PTPRD: variants seen among roughly 807,000 people sequenced by gnomAD.
PTPRD encodes protein tyrosine phosphatase receptor type D, also known as receptor-type tyrosine-protein phosphatase delta.
A neutral mutation model predicts 214.5 loss-of-function variants in PTPRD; 34 were observed. The ratio of observed to expected loss-of-function variants is 0.16; its 90% CI spans 0.12 to 0.21. The LOEUF is 0.21. Ranked by LOEUF, PTPRD falls within the 10% of genes least tolerant of loss-of-function variation. The probability of loss-of-function intolerance (pLI) is 1.00; values close to 1 mark genes in which losing one functional copy is unlikely to be tolerated. For synonymous variants in PTPRD, 1,128 were observed against 845.7 expected, an observed-to-expected ratio of 1.33 and a Z score of -5.79; for missense variants, 2,545 against 2,398.7, an observed-to-expected ratio of 1.06 and a Z score of -1.27.
intron 10 of PTPRD, among the ~76,000 whole-genome samples, chr9:9,124,639 T>C (rs1341693679): frequency 6.6e-6 from 1 of 152,196 alleles, no homozygotes; most frequent in Admixed American, 6.5e-5. Flanking sequence ...CTTCATTTGA[T>C]TCCCGGTGAG....
intron 35 of PTPRD, among the ~76,000 whole-genome samples, chr9:8,405,875 C>T (rs1182354533): frequency 1.3e-5 from 2 of 152,028 alleles, no homozygotes; most frequent in Non-Finnish European, 2.9e-5. Context: ...CATCAAAATA[C>T]TAAAGATGTG....
At chr9:10,497,711 A>G (rs1230528263) in intron 2 of PTPRD, among the ~76,000 whole-genome samples, 1 of 152,074 alleles carries the variant, frequency 6.6e-6, no homozygotes, top group Non-Finnish European at 1.5e-5. Flanking sequence ...ATGTTTAAAA[A>G]GAAAAGAATA....
chr9:8,743,579 C>A (rs6477335), intron 11 of PTPRD, among the ~76,000 whole-genome samples: 11,155 of 152,126 alleles, frequency 0.073, 1,095 homozygotes, highest in African/African-American at 0.23. Flanking sequence ...TCATACCTCT[C>A]TCACCTTATA....
chr9:9,459,781 A>C (rs1039222528), intron 8 of PTPRD, among the ~76,000 whole-genome samples: 3 of 152,154 alleles, frequency 2.0e-5, no homozygotes, highest in Non-Finnish European at 4.4e-5. Flanking sequence ...TAAGCAATTT[A>C]CAGATTAAAT....
chr9:10,199,571 G>C (rs1409956238), intron 3 of PTPRD, among the ~76,000 whole-genome samples: 3 of 151,926 alleles, frequency 2.0e-5, no homozygotes, highest in African/African-American at 4.8e-5. Flanking sequence ...GCTCTGTACA[G>C]GTCATCTTAT....
chr9:10,399,759 T>C lies in PTPRD; in HGVS notation c.-599-58742A>G, dbSNP rs542934732. Among the ~76,000 whole-genome samples, 4 of 151,922 alleles carry C rather than the reference T, an allele frequency of 2.6e-5. No individual in the cohort carries two copies. The South Asian group carries it at 8.3e-4, about 32-fold the overall frequency. On this transcript the variant is annotated intron_variant, in intron 2 of 45. Transcript: ENST00000381196. ...TGTGGGAGAAAGATATTCTAGGCAGTGAGAATCTAAGAAAGAGCATGATAT... is the reference window on the plus strand; with the variant it reads ...TGTGGGAGAAAGATATTCTAGGCAGCGAGAATCTAAGAAAGAGCATGATAT...
chr9:10,051,389 C>T (rs1302719020), intron 3 of PTPRD, among the ~76,000 whole-genome samples: 1 of 152,014 alleles, frequency 6.6e-6, no homozygotes, highest in African/African-American at 2.4e-5. Flanking sequence ...TGCTGTTAGT[C>T]ATCTCCAGTT....
chr9:9,939,010 TTCC>T (rs2090549966), intron 4 of PTPRD, among the ~76,000 whole-genome samples: 1 of 108,960 alleles, frequency 9.2e-6, no homozygotes, highest in African/African-American at 4.9e-5. Flanking sequence ...ATTTTCTGAA[TTCC>T]TTTTTTTTTT....
At chr9:9,456,834 A>C (rs2093074787) in intron 8 of PTPRD, among the ~76,000 whole-genome samples, 1 of 151,952 alleles carries the variant, frequency 6.6e-6, no homozygotes, top group African/African-American at 2.4e-5. Flanking sequence ...TTAACTCCTG[A>C]AGTTTTATTC....
At chr9:9,481,763 T>C (rs1036036098) in intron 8 of PTPRD, among the ~76,000 whole-genome samples, 1 of 152,050 alleles carries the variant, frequency 6.6e-6, no homozygotes, top group African/African-American at 2.4e-5. Flanking sequence ...ACCTAGTCAA[T>C]AGAAGAGGGC....
intron 10 of PTPRD, among the ~76,000 whole-genome samples, chr9:9,031,264 A>G (rs2099604431): frequency 7.3e-6 from 1 of 137,466 alleles, no homozygotes; most frequent in South Asian, 2.4e-4. Flanking sequence ...GTCAAATCAC[A>G]TTTGTTTAAT....
chr9:9,766,717 T>C lies in PTPRD; in HGVS notation c.-326+93A>G, dbSNP rs1184051038. ...AAAGTGCATGTCCCATGATACCGTATTTCCAAGCATGCAACAGTAATATAA... is the reference window on the plus strand; with the variant it reads ...AAAGTGCATGTCCCATGATACCGTACTTCCAAGCATGCAACAGTAATATAA... On this transcript the variant is annotated intron_variant, in intron 6 of 45. Coordinates refer to ENST00000381196, the MANE Select transcript of PTPRD (RefSeq NM_002839.4). 5 of 152,390 alleles carry C rather than the reference T, an allele frequency of 3.3e-5. No individual in the cohort carries two copies. The South Asian group carries it at 8.3e-4, about 25-fold the overall frequency. 9.4% of individuals were successfully genotyped at this position (152,390 alleles called of 1,614,324 possible).
At position 8,484,318 on chromosome 9, in the gene PTPRD, T is replaced by C. The variant is rs2096951329; in HGVS notation, c.3214A>G (p.Ile1072Val). 6.2e-7 allele frequency: 1 copy of C among 1,614,094 alleles called. No individual in the cohort carries two copies. The highest frequency in any genetic ancestry group is 1.7e-5 in the Admixed American group (1 of 60,014). Reference protein sequence around the residue: ...EVDGRATQKLIVNLKPEKSYS... With the variant: ...EVDGRATQKLVVNLKPEKSYS... ...GATTTCTCAGGCTTCAGGTTGACAA[T>C]TAACTTCTGTGTGGCTCGGCCATCC... Residue 1072 changes from isoleucine to valine, a missense_variant, in exon 30 of 46, where the codon ATT becomes GTT. Coordinates refer to ENST00000381196, the MANE Select transcript of PTPRD (RefSeq NM_002839.4).
chr9:8,575,253 G>A (rs1317943398), intron 14 of PTPRD, among the ~76,000 whole-genome samples: 1 of 152,072 alleles, frequency 6.6e-6, no homozygotes, highest in Non-Finnish European at 1.5e-5. Flanking sequence ...AAAGGAAAAA[G>A]GCGATTATAT....
chr9:9,313,134 C>T (rs1413744055), intron 9 of PTPRD, among the ~76,000 whole-genome samples: 1 of 152,082 alleles, frequency 6.6e-6, no homozygotes, highest in Non-Finnish European at 1.5e-5. Flanking sequence ...GCGTAGGAAC[C>T]TAACTCTATC....
At chr9:9,597,067 C>T (rs2093408212) in intron 7 of PTPRD, among the ~76,000 whole-genome samples, 1 of 151,914 alleles carries the variant, frequency 6.6e-6, no homozygotes, top group African/African-American at 2.4e-5. Flanking sequence ...TAAGAAGTTC[C>T]CAGTAGTCAT....
chr9:9,924,559 G>A (rs1435403451), intron 5 of PTPRD, among the ~76,000 whole-genome samples: 2 of 151,584 alleles, frequency 1.3e-5, no homozygotes, highest in Admixed American at 6.6e-5. Context: ...TTCCTTGCCC[G>A]AAACACTTTC....
At chr9:10,047,134 T>C (rs2097416384) in intron 3 of PTPRD, among the ~76,000 whole-genome samples, 1 of 152,014 alleles carries the variant, frequency 6.6e-6, no homozygotes, top group Non-Finnish European at 1.5e-5. Flanking sequence ...ATACGTAAGT[T>C]AAAATTATTA....
intron 10 of PTPRD, among the ~76,000 whole-genome samples, chr9:9,121,279 A>G (rs934566262): frequency 6.6e-6 from 1 of 152,234 alleles, no homozygotes; most frequent in Non-Finnish European, 1.5e-5. Context: ...TCCTTGAAGA[A>G]CTAAAAGTAG....
Sources: allele counts gnomAD v4.1 joint callset (sites outside exome capture counted in the v4.1 genomes callset), GRCh38; gene constraint gnomAD v4.1.1; transcripts MANE v1.5; gene names NCBI Gene and HGNC (gene_info 2026-07-23, HGNC 2026-07-21).